Variants in TMPRSS15 observed in about 807,000 individuals in gnomAD.
The protein encoded by TMPRSS15 is transmembrane serine protease 15.
Under a neutral mutation model 125.3 loss-of-function variants are expected in TMPRSS15, and 128 were observed. The observed-to-expected ratio is 1.02, with a 90% confidence interval of 0.89 to 1.18. The LOEUF (loss-of-function observed/expected upper bound fraction) is 1.18, where lower values mean the gene tolerates loss of function less well. Among genes scored for constraint, TMPRSS15 ranks in the 50% most tolerant of loss-of-function variants. The pLI, the probability that TMPRSS15 is intolerant of heterozygous loss-of-function variation, is 0.00. For missense variants in TMPRSS15, 1,283 were observed against 1,212.7 expected (o/e 1.06, Z -0.86); for synonymous variants, 446 against 423.2 (o/e 1.05, Z -0.66).
At chr21:18,411,474 C>G (rs1004487809) in intron 1 of TMPRSS15, among the ~76,000 whole-genome samples, 6 of 152,012 alleles carry the variant, frequency 3.9e-5, no homozygotes, top group African/African-American at 1.2e-4. Context: ...ATTTATGTCT[C>G]TTTACATTAA....
At chr21:18,388,383 T>A (rs1456182401) in intron 3 of TMPRSS15, among the ~76,000 whole-genome samples, 1 of 152,164 alleles carries the variant, frequency 6.6e-6, no homozygotes, top group Non-Finnish European at 1.5e-5. Flanking sequence ...GATTACTTAC[T>A]AAATATCAGA....
Position 18,383,666 on chromosome 21 carries a change from C to A in TMPRSS15, c.457G>T (p.Val153Phe). Residue 153 changes from valine (V) to phenylalanine (F), a missense_variant, in exon 4 of 25, where the codon GTC becomes TTC. Transcript: ENST00000284885. ...CTGTTCAAATCAATATGGAAAGTGACCAGTTGGCTGGATTTATTTGCTTCA... is the reference window on the plus strand; with the variant it reads ...CTGTTCAAATCAATATGGAAAGTGAACAGTTGGCTGGATTTATTTGCTTCA... ...GLEANKSSQL[V>F]TFHIDLNSVD... 6.2e-7 allele frequency: 1 copy of A among 1,613,960 alleles called. No individual in the cohort carries two copies. The highest frequency in any genetic ancestry group is 8.5e-7 in the Non-Finnish European group (1 of 1,179,944).
chr21:18,357,153 C>T (rs2075632923), intron 8 of TMPRSS15, among the ~76,000 whole-genome samples: 1 of 151,848 alleles, frequency 6.6e-6, no homozygotes, highest in African/African-American at 2.4e-5. Context: ...AGCTCACTCA[C>T]CGTCTTCTAC....
At chr21:18,463,540 C>T (rs2122953939) in intron 1 of TMPRSS15, among the ~76,000 whole-genome samples, 6 of 151,828 alleles carry the variant, frequency 4.0e-5, no homozygotes, top group South Asian at 2.1e-4. Flanking sequence ...TTAGAGAGAT[C>T]GAGACAGAAA....
chr21:18,299,948 T>C (rs2146910138), intron 18 of TMPRSS15, among the ~76,000 whole-genome samples: 1 of 152,318 alleles, frequency 6.6e-6, no homozygotes, highest in Non-Finnish European at 1.5e-5. Context: ...ATAGCATCTT[T>C]TTCTGCTACT....
At position 18,342,442 on chromosome 21, in the gene TMPRSS15, G is replaced by T. The variant is rs147633866; in HGVS notation, c.1429-894C>A. ...AAGGAGACTATGGTGACTTGCTCAT[G>T]ATTTCACAACAAAATGGCAAAGCCA... On this transcript the variant is annotated intron_variant, in intron 12 of 24. Coordinates refer to ENST00000284885, the MANE Select transcript of TMPRSS15 (RefSeq NM_002772.3). 7.2e-5 allele frequency among the ~76,000 whole-genome samples: 11 copies of T among 152,310 alleles called. No homozygotes were observed. The East Asian group carries it at 1.9e-3, about 27-fold the overall frequency.
At chr21:18,411,489 T>C (rs115663364) in intron 1 of TMPRSS15, among the ~76,000 whole-genome samples, 3,532 of 152,268 alleles carry the variant, frequency 0.023, 148 homozygotes, top group African/African-American at 0.08. Flanking sequence ...CATTAAAAAG[T>C]CTTTTTTTCC....
At chr21:18,398,950 C>G (rs142110452) in intron 1 of TMPRSS15, among the ~76,000 whole-genome samples, 1 of 151,382 alleles carries the variant, frequency 6.6e-6, no homozygotes, top group Non-Finnish European at 1.5e-5. Context: ...TAGATAACCT[C>G]ACTAGGAAAA....
intron 21 of TMPRSS15, among the ~76,000 whole-genome samples, chr21:18,286,545 C>G (rs1476707065): frequency 6.6e-6 from 1 of 152,180 alleles, no homozygotes; most frequent in Non-Finnish European, 1.5e-5. Flanking sequence ...AACACTCACT[C>G]CATTCTCTTT....
At chr21:18,395,678 A>T (rs1048256474) in intron 3 of TMPRSS15, among the ~76,000 whole-genome samples, 5 of 152,096 alleles carry the variant, frequency 3.3e-5, no homozygotes, top group Non-Finnish European at 5.9e-5. Flanking sequence ...AAACATCTGA[A>T]TTTTTTTAGT....
At chr21:18,396,522 C>T (rs1355271736) in intron 3 of TMPRSS15, among the ~76,000 whole-genome samples, 2 of 152,074 alleles carry the variant, frequency 1.3e-5, no homozygotes, top group Non-Finnish European at 2.9e-5. Flanking sequence ...TGCCTGTAAT[C>T]CCAGCACTTT....
At chr21:18,416,542 A>G (rs1315195102) in intron 1 of TMPRSS15, among the ~76,000 whole-genome samples, 1 of 152,054 alleles carries the variant, frequency 6.6e-6, no homozygotes, top group Admixed American at 6.5e-5. Flanking sequence ...GGTTAGTAAT[A>G]TTCTCTTGAA....
chr21:18,433,681 A>AG lies in TMPRSS15; in HGVS notation c.11-35353_11-35352insC, dbSNP rs1296870199. On this transcript the variant is annotated intron_variant, in intron 1 of 7. Transcript: ENST00000422787. ...CTTGTCTCAAAAAAAAAAAAAAAAA[A>AG]AAAAAGAAAATAACATAGTTTGAGG... Among the ~76,000 whole-genome samples the AG allele has an allele frequency of 2.6e-5, 4 of 151,342 alleles. No homozygotes were observed. In the East Asian group the frequency reaches 7.8e-4, roughly 29 times the overall value.
At chr21:18,371,423 C>A (rs1252421528) in intron 6 of TMPRSS15, among the ~76,000 whole-genome samples, 1 of 152,096 alleles carries the variant, frequency 6.6e-6, no homozygotes, top group African/African-American at 2.4e-5. Context: ...TTAGATGCTG[C>A]TTTCTAGTAA....
chr21:18,455,839 C>T (rs574263889), intron 1 of TMPRSS15, among the ~76,000 whole-genome samples: 7 of 152,102 alleles, frequency 4.6e-5, no homozygotes, highest in South Asian at 2.1e-4. Flanking sequence ...TTAACAATTG[C>T]GAGGATGAAA....
chr21:18,387,391 G>A (rs915237092), intron 3 of TMPRSS15, among the ~76,000 whole-genome samples: 1 of 152,122 alleles, frequency 6.6e-6, no homozygotes, highest in African/African-American at 2.4e-5. Context: ...TAGGGCTGCT[G>A]AGTAAACAAG....
intron 1 of TMPRSS15, among the ~76,000 whole-genome samples, chr21:18,457,992 T>G (rs73895628): frequency 0.018 from 2,724 of 152,282 alleles, 43 homozygotes; most frequent in African/African-American, 0.044. Flanking sequence ...AGAAAGATCC[T>G]TATTCAGACT....
At chr21:18,407,183 A>AATAGAACAACAAGGTGTATTTGT (rs2076153999), upstream of TMPRSS15, among the ~76,000 whole-genome samples, 1 of 152,142 alleles carries the variant, frequency 6.6e-6, no homozygotes, top group Admixed American at 6.6e-5. Context: ...TTAATATAGA[A>AATAGAACAACAAGGTGTATTTGT]ATAGAACAAC....
chr21:18,348,666 T>G (rs930992405), intron 10 of TMPRSS15, among the ~76,000 whole-genome samples: 2 of 152,166 alleles, frequency 1.3e-5, no homozygotes, highest in Non-Finnish European at 2.9e-5. Context: ...AAAGTTACAC[T>G]TATTTTAGAA....
Sources: gnomAD v4.1 joint callset for allele counts (sites outside exome capture counted in the v4.1 genomes callset) on GRCh38, gnomAD v4.1.1 for gene constraint, MANE v1.5 for transcripts, NCBI Gene and HGNC (gene_info 2026-07-23, HGNC 2026-07-21) for gene names.